Variants in PLEC observed in about 807,000 individuals in gnomAD.
PLEC encodes the protein plectin.
In PLEC, 216 loss-of-function variants were observed where a neutral mutation model predicts 392.8. That is an observed-to-expected ratio of 0.55 (90% CI 0.49 to 0.62). The LOEUF (loss-of-function observed/expected upper bound fraction) is 0.62, where lower values mean the gene tolerates loss of function less well. Ranked by LOEUF, PLEC falls within the 20% of genes least tolerant of loss-of-function variation. The pLI is 0.00. For synonymous variants in PLEC, 3,621 were observed against 2,980.6 expected (o/e 1.21, Z -7.00); for missense variants, 6,863 against 6,563.4 (o/e 1.05, Z -1.58).
At position 143,921,947 on chromosome 8, in the gene PLEC, G is replaced by C. The variant is rs782438460; in HGVS notation, c.7874C>G (p.Thr2625Ser). 6.3e-7 allele frequency: 1 copy of C among 1,599,094 alleles called. No homozygotes were observed. The highest frequency in any genetic ancestry group is 2.2e-5 in the East Asian group (1 of 44,886). Residue 2625 changes from threonine to serine, a missense_variant, in exon 32 of 32, where the codon ACC becomes AGC. Physicochemically the swap from Thr to Ser is moderately conservative, Grantham distance 58 (BLOSUM62 1). Coordinates refer to ENST00000345136, the MANE Select transcript of PLEC (RefSeq NM_201384.3). ...VTASQVAATK[T>S]LPNGRDALDG... ...AAGTGCATCCCGGCCATTGGGCAGG[G>C]TCTTTGTGGCAGCCACCTGCGAGGC...
In PLEC at chr8:143,923,441, G is replaced by A; in HGVS notation, c.6488C>T (p.Ala2163Val). The A allele has an allele frequency of 1.9e-6, 3 of 1,609,228 alleles. No homozygotes were observed. Among genetic ancestry groups the A allele is most frequent in the South Asian group, 1.1e-5 (1 of 91,058 alleles). The change falls in exon 31 of 32, where the codon GCT becomes GTT. Residue 2163 changes from alanine to valine, a missense_variant. By Grantham distance (64) the Ala-to-Val change is moderately conservative (BLOSUM62 0). Coordinates refer to ENST00000345136, the MANE Select transcript of PLEC (RefSeq NM_201384.3). Reference protein sequence around the residue: ...EQAALRQKQAADAEMEKHKKF... With the variant: ...EQAALRQKQAVDAEMEKHKKF... ...CTTATGCTTCTCCATCTCCGCGTCA[G>A]CTGCCTGCTTCTGCCGCAGGGCCGC...
upstream of PLEC, among the ~76,000 whole-genome samples, chr8:143,954,354 C>T (rs1404900885): frequency 1.3e-5 from 2 of 152,178 alleles, no homozygotes; most frequent in African/African-American, 4.8e-5. This position sits in a 1 kb window ranked among gnomAD's most constrained non-coding sequence, Gnocchi z 4.6. Flanking sequence ...CTCGCCTCTG[C>T]GCAGCCCTGG....
chr8:143,949,586 GGCCTCTGCCCT>G (rs1831888608), intron 1 of PLEC, among the ~76,000 whole-genome samples: 2 of 152,200 alleles, frequency 1.3e-5, no homozygotes, highest in African/African-American at 4.8e-5. Flanking sequence ...ACCACAGCCT[GGCCTCTGCCCT>G]GCCGGAGGAG....
At chr8:143,950,987 C>T (rs1163383220), upstream of PLEC, 13 of 553,150 alleles carry the variant, frequency 2.4e-5, no homozygotes, top group African/African-American at 1.0e-4. Flanking sequence ...GCAGCATGGG[C>T]GGCCCCTCCC....
At position 143,973,390 on chromosome 8, in the gene PLEC, C is replaced by G; in HGVS notation, c.70+13G>C. 1 of 1,559,540 alleles carries G rather than the reference C, an allele frequency of 6.4e-7. No homozygotes were observed. The highest frequency in any genetic ancestry group is 1.4e-5 in the African/African-American group (1 of 72,308). ...AGGAGCGGCCCGACAGGCAGCGGGA[C>G]GGGGGGCCGTACCTTTGTACTTCTC... On this transcript the variant is annotated intron_variant, in intron 1 of 31. Coordinates refer to the PLEC transcript ENST00000356346. The surrounding 1 kb of genome is among the most constrained non-coding windows in gnomAD (Gnocchi z 5.6).
chr8:143,973,325 C>T lies in PLEC; in HGVS notation c.70+78G>A, dbSNP rs1266087541. The T allele has an allele frequency of 1.5e-5, 22 of 1,512,660 alleles. No individual in the cohort carries two copies. The East Asian group carries it at 3.1e-4, about 21-fold the overall frequency. 93.7% of individuals were successfully genotyped at this position (1,512,660 alleles called of 1,614,324 possible). A position where few individuals can be genotyped will look rare whatever the true frequency, so the allele number is the denominator to read the frequency against. ...CCGCGCTCGGGCCGGCGATCGGGAC[C>T]GCCACCGTGGACGACAAGGTGCTCG... is the stretch of plus-strand genomic sequence containing the variant. On this transcript the variant is annotated intron_variant, in intron 1 of 31. Transcript: ENST00000356346. This position sits in a 1 kb window ranked among gnomAD's most constrained non-coding sequence, Gnocchi z 5.6.
chr8:143,922,307 C>T lies in PLEC; in HGVS notation c.7514G>A (p.Arg2505Gln), dbSNP rs782664854. The change falls in exon 32 of 32, where the codon CGG (arginine) becomes CAG (glutamine). Residue 2505 changes from arginine (R) to glutamine (Q), a missense_variant. By Grantham distance (43) the Arg-to-Gln change is conservative. Transcript: ENST00000345136. ...FLSEKDSLLQ[R>Q]ERFIEQEKAK... ...CTTCTCCTGCTCGATGAAGCGCTCC[C>T]GCTGTAGCAGGCTGTCCTTTTCAGA... is the stretch of plus-strand genomic sequence containing the variant. 2.7e-5 allele frequency: 44 copies of T among 1,607,622 alleles called. No homozygotes were observed. Among genetic ancestry groups the T allele is most frequent in the South Asian group, 7.7e-5 (7 of 91,034 alleles).
intron 1 of PLEC, among the ~76,000 whole-genome samples, chr8:143,945,556 C>T (rs1020974116): frequency 6.6e-6 from 1 of 152,232 alleles, no homozygotes; most frequent in African/African-American, 2.4e-5. Flanking sequence ...CGGTATACCC[C>T]ATTCCACAGC....
chr8:143,936,843 T>G, intron 5 of PLEC, 136 bp downstream of exon 5: 2 of 704,472 alleles, frequency 2.8e-6, no homozygotes, highest in East Asian at 2.6e-5. Flanking sequence ...GGCACCCAGG[T>G]GCCACCATAC....
chr8:143,960,360 G>A (rs1832814342), intron 1 of PLEC, among the ~76,000 whole-genome samples: 1 of 151,904 alleles, frequency 6.6e-6, no homozygotes, highest in South Asian at 2.1e-4. Flanking sequence ...GCTCATGCCT[G>A]TAATTCAGCA....
chr8:143,924,922 C>T lies in PLEC; in HGVS notation c.5007G>A (p.Ala1669=), dbSNP rs781796614. The stretch of plus-strand genomic sequence containing the variant: ...TGCCGCGCCGCCGCGCCTCGCGCTC[C>T]GCCTCCTCCTTCTGCTTCTCAGCCT... ...QAEAEKQKEE[A]EREARRRGKA... The change falls in exon 31 of 32, where the codon GCG becomes GCA. Residue 1669 remains alanine, a synonymous_variant. Transcript: ENST00000345136. 3.5e-5 allele frequency: 56 copies of T among 1,584,664 alleles called. No homozygotes were observed. The highest frequency in any genetic ancestry group is 9.1e-5 in the East Asian group (4 of 44,000).
Position 143,930,438 on chromosome 8 carries a change from G to A in PLEC, c.2403C>T (p.His801=), listed in dbSNP as rs782490156. ...GCAGGGGCAGGCGGCCCCGCATGGG[G>A]TGGGCTGGGTGGCGGGGCTTCAGCT... ...VVQLKPRHPA[H]PMRGRLPLLA... The change falls in exon 20 of 32, where the codon CAC becomes CAT. Residue 801 remains histidine (H), a synonymous_variant. Coordinates refer to ENST00000345136, the MANE Select transcript of PLEC (RefSeq NM_201384.3). 2.3e-5 allele frequency: 37 copies of A among 1,575,214 alleles called. No individual in the cohort carries two copies. Among genetic ancestry groups the A allele is most frequent in the Non-Finnish European group, 2.8e-5 (32 of 1,161,340 alleles).
chr8:143,917,181 TGAG>T lies in PLEC; in HGVS notation c.12637_12639del (p.Leu4213del). 1 of 1,612,278 alleles carries T rather than the reference TGAG, an allele frequency of 6.2e-7. No homozygotes were observed. The highest frequency in any genetic ancestry group is 8.5e-7 in the Non-Finnish European group (1 of 1,179,144). On this transcript the variant is annotated inframe_deletion, in exon 32 of 32. Transcript: ENST00000345136. ...TACTGGTCCAGTGCCGAGCGGTCGATGAGGTTCTTGGCGATGGCATCATCGATG... is the reference window on the plus strand; with the variant it reads ...TACTGGTCCAGTGCCGAGCGGTCGATGTTCTTGGCGATGGCATCATCGATG...
rs1266438807 is a variant in PLEC at position 143,923,764 on chromosome 8, G to A, written c.6165C>T (p.Ala2055=). The A allele has an allele frequency of 7.7e-6, 12 of 1,563,166 alleles. No individual in the cohort carries two copies. Among genetic ancestry groups the A allele is most frequent in the East Asian group, 2.4e-5 (1 of 42,466 alleles). The change falls in exon 31 of 32, where the codon GCC becomes GCT. Residue 2055 remains alanine, a synonymous_variant. Transcript: ENST00000345136. The part of the protein sequence containing the change: ...KRLQAEEKAH[A]FAVQQKEQEL... ...CCTGCTCCTTCTGCTGCACCGCGAA[G>A]GCGTGTGCCTTCTCTTCCGCCTGCA...
intron 1 of PLEC, among the ~76,000 whole-genome samples, chr8:143,965,510 C>T (rs1390844302): frequency 2.0e-5 from 3 of 152,232 alleles, no homozygotes; most frequent in East Asian, 1.9e-4. Flanking sequence ...CTCCCAGCCC[C>T]GCATCTCCCT....
At position 143,933,992 on chromosome 8, in the gene PLEC, C is replaced by A. The variant is rs782820595; in HGVS notation, c.1263+6G>T. Reference sequence around the variant, plus strand: ...CCCGCCCACTGCCTGCCCCACACCCCCTCACCGACTGCAGCAGGGCGTCGG... The same window carrying A: ...CCCGCCCACTGCCTGCCCCACACCCACTCACCGACTGCAGCAGGGCGTCGG... On this transcript the variant is annotated splice_donor_region_variant and intron_variant, in intron 12 of 31. Coordinates refer to ENST00000345136, the MANE Select transcript of PLEC (RefSeq NM_201384.3). 1.2e-6 allele frequency: 2 copies of A among 1,602,138 alleles called. No homozygotes were observed. The highest frequency in any genetic ancestry group is 2.2e-5 in the East Asian group (1 of 44,542).
rs1833285653 is a variant in PLEC at position 143,969,217 on chromosome 8, C to A, written c.70+4186G>T. On this transcript the variant is annotated intron_variant, in intron 1 of 31. Transcript: ENST00000356346. The surrounding 1 kb of genome is among the most constrained non-coding windows in gnomAD (Gnocchi z 5.1). ...CTGATGGCGCGGCGATGTGAGCAGC[C>A]CTGACAGCGTCCCGGCAAGTCGAAG... Among the ~76,000 whole-genome samples, 1 of 152,284 alleles carries A rather than the reference C, an allele frequency of 6.6e-6. No homozygotes were observed. Among genetic ancestry groups the A allele is most frequent in the South Asian group, 2.1e-4 (1 of 4,826 alleles).
chr8:143,968,960 T>C (rs1333508415), intron 1 of PLEC, among the ~76,000 whole-genome samples: 6 of 152,174 alleles, frequency 3.9e-5, no homozygotes, highest in African/African-American at 1.4e-4. Flanking sequence ...TTCTTCAAAA[T>C]GGTTAAATAT....
upstream of PLEC, among the ~76,000 whole-genome samples, chr8:143,951,162 G>C (rs1440716848): frequency 6.6e-6 from 1 of 152,058 alleles, no homozygotes; most frequent in Non-Finnish European, 1.5e-5. Flanking sequence ...GCTGGGGCAA[G>C]TGGGGGCGGA....
Sources: gnomAD v4.1 joint callset for allele counts (sites outside exome capture counted in the v4.1 genomes callset) on GRCh38, gnomAD v4.1.1 for gene constraint, Gnocchi (gnomAD v3.1) non-coding constraint, MANE v1.5 for transcripts, NCBI Gene and HGNC (gene_info 2026-07-23, HGNC 2026-07-21) for gene names.